Variants in NUF2 observed in about 807,000 individuals in gnomAD.
NUF2 encodes NUF2 component of NDC80 kinetochore complex, also known as kinetochore protein Nuf2.
A neutral mutation model predicts 61.8 loss-of-function variants in NUF2; 34 were observed. That is an observed-to-expected ratio of 0.55 (90% confidence interval 0.42 to 0.73). The LOEUF (loss-of-function observed/expected upper bound fraction) is 0.73, where lower values mean the gene tolerates loss of function less well. Among genes scored for constraint, NUF2 ranks in the 30% least tolerant of loss-of-function variants. The pLI, the probability that NUF2 is intolerant of heterozygous loss-of-function variation, is 0.00. For synonymous variants in NUF2, 172 were observed against 181.6 expected (o/e 0.95, Z 0.42); for missense variants, 445 against 539.1 (o/e 0.83, Z 1.73).
chr1:163,339,138 T>C (rs1230296571), intron 7 of NUF2: 19 of 395,024 alleles, frequency 4.8e-5, no homozygotes, highest in Non-Finnish European at 1.8e-5. Context: ...TTAGAAAGGA[T>C]AGGTATGTGT....
At chr1:163,339,027 T>C (rs1439634653) in intron 7 of NUF2, among the ~76,000 whole-genome samples, 1 of 152,018 alleles carries the variant, frequency 6.6e-6, no homozygotes, top group African/African-American at 2.4e-5. Context: ...GAAGAATGGA[T>C]GGTATGGGAG....
chr1:163,345,858 C>T lies in NUF2; in HGVS notation c.948+40C>T, dbSNP rs148644258. 8.6e-6 allele frequency: 12 copies of T among 1,397,078 alleles called. No individual in the cohort carries two copies. In the African/African-American group the frequency reaches 1.6e-4, roughly 18 times the overall value. The allele number at this position is 1,397,078 out of a possible 1,614,324, so 86.5% of individuals were successfully genotyped here. On this transcript the variant is annotated intron_variant, in intron 11 of 13. Transcript: ENST00000271452. ...GAATTTTGATGTCTTTATTATATAA[C>T]AGCTTACTATAGTTCCTTGTATTTT...
chr1:163,345,623 G>A (rs1318758752), intron 10 of NUF2, 55 bp from the exon 11 acceptor site: 22 of 1,481,772 alleles, frequency 1.5e-5, no homozygotes, highest in Middle Eastern at 1.8e-4. Flanking sequence ...TGATATTACT[G>A]CAGCTTCATA....
rs1231859614 is a variant in NUF2, at chr1:163,355,319, T to C, written c.1261-16T>C. On this transcript the variant is annotated splice_polypyrimidine_tract_variant and intron_variant, in intron 13 of 13. Coordinates refer to ENST00000271452, the MANE Select transcript of NUF2 (RefSeq NM_145697.3). ...TTGCATGGAATAATTATTATTCTGT[T>C]TCATTTTCTACTTAGGAAATATTTC... 3 of 1,580,482 alleles carry C rather than the reference T, an allele frequency of 1.9e-6. No homozygotes were observed. In the African/African-American group the frequency reaches 4.1e-5, roughly 21 times the overall value.
chr1:163,352,649 G>A (rs915840896), intron 13 of NUF2, among the ~76,000 whole-genome samples: 3 of 152,156 alleles, frequency 2.0e-5, no homozygotes, highest in African/African-American at 7.2e-5. Flanking sequence ...GGCGGATCAC[G>A]AGGTCAGGAG....
rs1650469568 is a variant in NUF2 at position 163,327,644 on chromosome 1, C to T, written c.198+82C>T. On this transcript the variant is annotated intron_variant, in intron 3 of 13. Transcript: ENST00000271452. ...TTTTGCTGCAGTTCTGCTTACAATG[C>T]ATACTGGCTTTTAGGATAGGAAGTT... 5 of 821,638 alleles carry T rather than the reference C, an allele frequency of 6.1e-6. No individual in the cohort carries two copies. The East Asian group carries it at 1.2e-4, about 20-fold the overall frequency. 50.9% of individuals were successfully genotyped at this position (821,638 alleles called of 1,614,324 possible).
chr1:163,342,386 G>C (rs968303391), intron 9 of NUF2, among the ~76,000 whole-genome samples: 1 of 152,090 alleles, frequency 6.6e-6, no homozygotes, highest in East Asian at 1.9e-4. Context: ...GAAAAGTGAT[G>C]AAAGTTAACA....
chr1:163,352,735 G>A (rs1036422473), intron 13 of NUF2, among the ~76,000 whole-genome samples: 3 of 152,064 alleles, frequency 2.0e-5, no homozygotes, highest in Non-Finnish European at 4.4e-5. Context: ...GCGTGGTGGC[G>A]GGCGCCTGTA....
intron 1 of NUF2, among the ~76,000 whole-genome samples, chr1:163,324,397 G>A (rs1285826798): frequency 6.6e-6 from 1 of 152,190 alleles, no homozygotes; most frequent in East Asian, 1.9e-4. Flanking sequence ...ATTCTGTGAT[G>A]TTGTCACATG....
chr1:163,324,248 T>C (rs1015656026), intron 1 of NUF2, among the ~76,000 whole-genome samples: 5 of 151,966 alleles, frequency 3.3e-5, no homozygotes, highest in African/African-American at 1.2e-4. Context: ...TAAACAGAGA[T>C]TAATATATTC....
intron 7 of NUF2, chr1:163,339,159 C>G (rs1311239867): frequency 3.1e-5 from 15 of 489,560 alleles, no homozygotes; most frequent in Non-Finnish European, 5.5e-5. Flanking sequence ...GTGGATGGAT[C>G]CATAGATTTG....
intron 6 of NUF2, among the ~76,000 whole-genome samples, chr1:163,337,139 A>G (rs987202763): frequency 6.6e-6 from 1 of 152,010 alleles, no homozygotes; most frequent in African/African-American, 2.4e-5. Context: ...GAGAATATTG[A>G]TATGTTTACA....
intron 13 of NUF2, 138 bp downstream of exon 13, chr1:163,349,218 G>GAAC: frequency 1.4e-6 from 1 of 699,608 alleles, no homozygotes. Flanking sequence ...CTTTATTCTT[G>GAAC]TTTTGAATAT....
intron 4 of NUF2, chr1:163,328,552 G>T (rs1012483686): frequency 6.0e-6 from 3 of 500,968 alleles, no homozygotes; most frequent in South Asian, 7.0e-5. Context: ...ATTGTTTACC[G>T]TCTTTGTGAA....
At chr1:163,345,075 A>G (rs1307703082) in intron 10 of NUF2, among the ~76,000 whole-genome samples, 1 of 152,340 alleles carries the variant, frequency 6.6e-6, no homozygotes, top group South Asian at 2.1e-4. Flanking sequence ...ACATTAGAAC[A>G]TAATTACGGT....
chr1:163,324,844 G>T (rs1323889568), intron 1 of NUF2, among the ~76,000 whole-genome samples: 1 of 151,072 alleles, frequency 6.6e-6, no homozygotes, highest in African/African-American at 2.4e-5. Context: ...ATTGTAACAA[G>T]TATTATAACA....
At chr1:163,335,777 G>T (rs2101675964) in intron 5 of NUF2, among the ~76,000 whole-genome samples, 1 of 152,028 alleles carries the variant, frequency 6.6e-6, no homozygotes. Context: ...CACAGATATT[G>T]TATTCATTTT....
intron 2 of NUF2, 61 bp downstream of exon 2, chr1:163,326,235 G>A (rs967446054): frequency 1.3e-6 from 2 of 1,532,776 alleles, no homozygotes. Flanking sequence ...AAGCTACTAG[G>A]TCTATTGTGT....
intron 12 of NUF2, among the ~76,000 whole-genome samples, chr1:163,348,359 G>C (rs905088993): frequency 3.3e-5 from 5 of 152,176 alleles, no homozygotes; most frequent in Non-Finnish European, 7.4e-5. Context: ...TCCTAAGTAT[G>C]TAAGTATGTT....
Sources: gnomAD v4.1 joint callset for allele counts (sites outside exome capture counted in the v4.1 genomes callset) on GRCh38, gnomAD v4.1.1 for gene constraint, MANE v1.5 for transcripts, NCBI Gene and HGNC (gene_info 2026-07-23, HGNC 2026-07-21) for gene names.